ARNT2: variants seen among roughly 807,000 people sequenced by gnomAD.
ARNT2 encodes the protein ARNT protein 2.
A neutral mutation model predicts 91.7 loss-of-function variants in ARNT2; 36 were observed. The ratio of observed to expected loss-of-function variants is 0.39; its 90% CI spans 0.30 to 0.52. ARNT2 has a LOEUF of 0.52. Among genes scored for constraint, ARNT2 ranks in the 20% least tolerant of loss-of-function variants. ARNT2 has a pLI of 0.72. For synonymous variants in ARNT2, 365 were observed against 347.1 expected (o/e 1.05, Z -0.57); for missense variants, 775 against 939.3 (o/e 0.83, Z 2.29).
chr15:80,470,197 G>C (rs1409702680), intron 3 of ARNT2, 21 bp from the exon 4 acceptor site: 4 of 1,607,886 alleles, frequency 2.5e-6, no homozygotes, highest in Non-Finnish European at 3.4e-6. Context: ...CCCCTCTCCT[G>C]ATCTCGTGCT....
At chr15:80,542,127 A>G (rs1012517215) in intron 8 of ARNT2, among the ~76,000 whole-genome samples, 2 of 152,242 alleles carry the variant, frequency 1.3e-5, no homozygotes, top group African/African-American at 4.8e-5. Flanking sequence ...TACTGAAGAC[A>G]TTCTGGAAAT....
chr15:80,562,851 C>A, intron 11 of ARNT2: 1 of 598,866 alleles, frequency 1.7e-6, no homozygotes. Context: ...TGAGTGGTTG[C>A]TTTCTCATAC....
chr15:80,585,154 T>A (rs1271165579), intron 17 of ARNT2, among the ~76,000 whole-genome samples: 2 of 152,218 alleles, frequency 1.3e-5, no homozygotes, highest in Admixed American at 1.3e-4. Context: ...TATCTTGAGC[T>A]TTACTGCTGT....
At position 80,594,325 on chromosome 15, in the gene ARNT2, T is replaced by C. The variant is rs1250539981; in HGVS notation, c.*627T>C. ...GTCCTAATGGATGTGTTGTGCCTTG[T>C]GTCTGTCATGTGTGGCCAGCGTGAT... On this transcript the variant is annotated 3_prime_UTR_variant, in exon 19 of 19. Coordinates refer to ENST00000303329, the MANE Select transcript of ARNT2 (RefSeq NM_014862.4). 1 of 152,700 alleles carries C rather than the reference T, an allele frequency of 6.5e-6. No homozygotes were observed. Among genetic ancestry groups the C allele is most frequent in the Non-Finnish European group, 1.5e-5 (1 of 68,430 alleles). The allele number at this position is 152,700 out of a possible 1,614,324, so 9.5% of individuals were successfully genotyped here.
intron 1 of ARNT2, among the ~76,000 whole-genome samples, chr15:80,428,674 G>A (rs1037803851): frequency 6.6e-6 from 1 of 152,180 alleles, no homozygotes; most frequent in African/African-American, 2.4e-5. Flanking sequence ...CAATTTAAAA[G>A]GAGTGAATTC....
chr15:80,431,746 C>T lies in ARNT2; in HGVS notation c.32-19134C>T, dbSNP rs145440381. On this transcript the variant is annotated intron_variant, in intron 1 of 18. Transcript: ENST00000303329. The stretch of plus-strand genomic sequence containing the variant: ...TCCCTACTTATCCAGCAGGGATCCT[C>T]ATTAGGGGACACTGGCCTACCAGCT... Among the ~76,000 whole-genome samples the T allele has an allele frequency of 7.6e-3, 1,160 of 152,312 alleles. 6 individuals carry two copies. Among genetic ancestry groups the T allele is most frequent in the Non-Finnish European group, 0.012 (832 of 68,018 alleles).
intron 8 of ARNT2, among the ~76,000 whole-genome samples, chr15:80,548,925 G>A (rs150562625): frequency 5.3e-5 from 8 of 152,178 alleles, no homozygotes; most frequent in African/African-American, 1.2e-4. Context: ...CAAAGTTCCT[G>A]TGGAAAAACA....
chr15:80,591,478 C>T lies in ARNT2; in HGVS notation c.1919-90C>T, dbSNP rs548935905. On this transcript the variant is annotated intron_variant, in intron 17 of 18. Coordinates refer to ENST00000303329, the MANE Select transcript of ARNT2 (RefSeq NM_014862.4). The surrounding 1 kb of genome is among the most constrained non-coding windows in gnomAD (Gnocchi z 5.1). Reference sequence around the variant, plus strand: ...CTGGATGGAACGTGCCTTTCAGAAGCGGGAGGCCCTCCAGCCGCAGTGGTT... The same window carrying T: ...CTGGATGGAACGTGCCTTTCAGAAGTGGGAGGCCCTCCAGCCGCAGTGGTT... 1.0e-5 allele frequency: 16 copies of T among 1,538,866 alleles called. No homozygotes were observed. Among genetic ancestry groups the T allele is most frequent in the Middle Eastern group, 2.0e-4 (1 of 5,090 alleles).
At chr15:80,408,419 CG>C (rs1170046944) in intron 1 of ARNT2, among the ~76,000 whole-genome samples, 3 of 152,142 alleles carry the variant, frequency 2.0e-5, no homozygotes, top group Non-Finnish European at 4.4e-5. Flanking sequence ...AACTTCTGAA[CG>C]TGGGCCTTTT....
intron 9 of ARNT2, 40 bp downstream of exon 9, chr15:80,551,315 G>T (rs571710876): frequency 1.3e-6 from 2 of 1,563,526 alleles, no homozygotes; most frequent in East Asian, 2.2e-5. Context: ...TTAAATGAAG[G>T]CTTATTGCCA....
At position 80,457,910 on chromosome 15, in the gene ARNT2, T is replaced by C; in HGVS notation, c.147-19T>C. ...GTTCTCCTAATAATCAGTGCTCACT[T>C]GTGATCTTGACTTTTCAGAATGGAC... On this transcript the variant is annotated intron_variant, in intron 2 of 18. Coordinates refer to ENST00000303329, the MANE Select transcript of ARNT2 (RefSeq NM_014862.4). 6.2e-7 allele frequency: 1 copy of C among 1,613,926 alleles called. No homozygotes were observed.
intron 3 of ARNT2, among the ~76,000 whole-genome samples, chr15:80,460,279 A>G (rs1896533604): frequency 6.6e-6 from 1 of 152,170 alleles, no homozygotes; most frequent in Non-Finnish European, 1.5e-5. Context: ...ATGAGACCTC[A>G]TGTCTCAATT....
intron 8 of ARNT2, among the ~76,000 whole-genome samples, chr15:80,540,663 A>G (rs1391002419): frequency 6.6e-6 from 1 of 152,034 alleles, no homozygotes; most frequent in African/African-American, 2.4e-5. Flanking sequence ...TCCCCCATCT[A>G]GTAATCCCAG....
chr15:80,540,240 T>C (rs1175734135), intron 8 of ARNT2, among the ~76,000 whole-genome samples: 1 of 152,208 alleles, frequency 6.6e-6, no homozygotes, highest in Admixed American at 6.5e-5. Context: ...TAGACTGTTT[T>C]CTGAATAGTC....
intron 17 of ARNT2, among the ~76,000 whole-genome samples, chr15:80,583,050 C>T (rs1157564589): frequency 6.6e-6 from 1 of 152,202 alleles, no homozygotes; most frequent in Non-Finnish European, 1.5e-5. Context: ...GTGCCAGGCC[C>T]CGAATCAGCC....
At position 80,468,973 on chromosome 15, in the gene ARNT2, A is replaced by C. The variant is rs181673644; in HGVS notation, c.195-1245A>C. 1.4e-4 allele frequency among the ~76,000 whole-genome samples: 22 copies of C among 152,274 alleles called. No individual in the cohort carries two copies. In the East Asian group the frequency reaches 3.5e-3, roughly 24 times the overall value. The stretch of plus-strand genomic sequence containing the variant: ...TGGCACGTCTGTTCCCCAATCTGGG[A>C]GGATGGGCTGTTAAGCTAATTAATA... On this transcript the variant is annotated intron_variant, in intron 3 of 18. Coordinates refer to ENST00000303329, the MANE Select transcript of ARNT2 (RefSeq NM_014862.4).
chr15:80,526,028 C>A (rs929115815), intron 8 of ARNT2, among the ~76,000 whole-genome samples: 1 of 152,320 alleles, frequency 6.6e-6, no homozygotes, highest in East Asian at 1.9e-4. Flanking sequence ...CCACTTGCAA[C>A]ATGTCTGCTT....
At chr15:80,410,537 CAA>C (rs896039358) in intron 1 of ARNT2, among the ~76,000 whole-genome samples, 6 of 152,120 alleles carry the variant, frequency 3.9e-5, no homozygotes, top group African/African-American at 1.4e-4. Context: ...GAGAAGGAAA[CAA>C]AGAGGGATGT....
At chr15:80,471,836 C>T (rs972367533) in intron 4 of ARNT2, among the ~76,000 whole-genome samples, 2 of 152,100 alleles carry the variant, frequency 1.3e-5, no homozygotes, top group Non-Finnish European at 2.9e-5. Flanking sequence ...ATTTTTAACA[C>T]CTACACTAGT....
Sources: gnomAD v4.1 joint callset for allele counts (sites outside exome capture counted in the v4.1 genomes callset) on GRCh38, gnomAD v4.1.1 for gene constraint, Gnocchi (gnomAD v3.1) non-coding constraint, MANE v1.5 for transcripts, NCBI Gene and HGNC (gene_info 2026-07-23, HGNC 2026-07-21) for gene names.